The following CEP128 variants were observed in gnomAD, a reference collection of about 807,000 sequenced individuals.
CEP128 encodes centrosomal protein 128kDa.
CEP128 carries 132 observed loss-of-function variants against 156.7 expected under a neutral mutation model. The observed-to-expected ratio is 0.84, with a 90% CI of 0.73 to 0.97. CEP128 has a LOEUF of 0.97. Ranked by LOEUF, CEP128 falls within the 50% of genes least tolerant of loss-of-function variation. The probability of loss-of-function intolerance (pLI) is 0.00; values close to 1 mark genes in which losing one functional copy is unlikely to be tolerated. For synonymous variants in CEP128, 469 were observed against 448.9 expected, an observed-to-expected ratio of 1.04 and a Z score of -0.57; for missense variants, 1,252 against 1,281.9, an observed-to-expected ratio of 0.98 and a Z score of 0.36.
At chr14:80,779,724 C>T (rs1018649612) in intron 15 of CEP128, among the ~76,000 whole-genome samples, 9 of 152,124 alleles carry the variant, frequency 5.9e-5, no homozygotes, top group Non-Finnish European at 2.9e-5. Context: ...TTCCACCCAC[C>T]GGAAGCCTGT....
chr14:80,555,491 T>G (rs922779097), intron 21 of CEP128, among the ~76,000 whole-genome samples: 56 of 152,264 alleles, frequency 3.7e-4, no homozygotes, highest in African/African-American at 1.3e-3. Flanking sequence ...TATATATGTG[T>G]GGTTCTTTAA....
chr14:80,933,164 A>G (rs1210077821), intron 2 of CEP128, among the ~76,000 whole-genome samples: 1 of 152,082 alleles, frequency 6.6e-6, no homozygotes, highest in Non-Finnish European at 1.5e-5. Context: ...CATCCTGGAG[A>G]GGTGTTTCCT....
intron 16 of CEP128, among the ~76,000 whole-genome samples, chr14:80,764,505 CAAAAAAAAAAAGA>C (rs975969083): frequency 2.1e-4 from 18 of 87,624 alleles, no homozygotes; most frequent in East Asian, 6.6e-4. Context: ...GACTCCGTCT[CAAAAAAAAAAAGA>C]AAAAAAAAAA....
intron 10 of CEP128, among the ~76,000 whole-genome samples, 158 bp from the exon 11 acceptor site, chr14:80,838,436 T>C (rs2140074479): frequency 6.6e-6 from 1 of 152,272 alleles, no homozygotes; most frequent in African/African-American, 2.4e-5. Context: ...CATATATCAA[T>C]ACTTCCATTA....
chr14:80,496,365 T>A (rs1194626906), downstream of CEP128: 1 of 152,600 alleles, frequency 6.6e-6, no homozygotes, highest in South Asian at 2.1e-4. Context: ...GCCATTTTTT[T>A]CTTCAGTACC....
At chr14:80,945,080 A>G (rs1362455601), upstream of CEP128, among the ~76,000 whole-genome samples, 6 of 152,108 alleles carry the variant, frequency 3.9e-5, no homozygotes, top group East Asian at 1.2e-3. Context: ...GGTGACTTAA[A>G]CAACAAAAAT....
intron 19 of CEP128, among the ~76,000 whole-genome samples, chr14:80,616,504 G>C (rs1364779518): frequency 6.6e-6 from 1 of 151,694 alleles, no homozygotes; most frequent in Non-Finnish European, 1.5e-5. Context: ...TCTTGGTTAT[G>C]CTAAATTACC....
chr14:80,650,080 C>T (rs538515216), intron 19 of CEP128, among the ~76,000 whole-genome samples: 1 of 152,242 alleles, frequency 6.6e-6, no homozygotes, highest in Non-Finnish European at 1.5e-5. Context: ...TTGGTGTCCT[C>T]TCTTATTTCC....
chr14:80,671,841 T>C, intron 19 of CEP128, among the ~76,000 whole-genome samples: 1 of 150,636 alleles, frequency 6.6e-6, no homozygotes, highest in African/African-American at 2.5e-5. Context: ...TAGTAAACTG[T>C]TTTCTCCTTC....
intron 20 of CEP128, among the ~76,000 whole-genome samples, chr14:80,572,959 G>C (rs1437776472): frequency 6.6e-6 from 1 of 152,160 alleles, no homozygotes; most frequent in Non-Finnish European, 1.5e-5. Flanking sequence ...GTCTTGCTCT[G>C]TTGGCCAGGC....
chr14:80,677,326 A>G (rs1435901988), intron 19 of CEP128, among the ~76,000 whole-genome samples: 5 of 151,996 alleles, frequency 3.3e-5, no homozygotes, highest in Non-Finnish European at 7.4e-5. Flanking sequence ...CCTGGCCAAC[A>G]TGGTGAAATG....
At chr14:80,513,964 TAACG>T (rs1888375471) in intron 23 of CEP128, among the ~76,000 whole-genome samples, 1 of 152,078 alleles carries the variant, frequency 6.6e-6, no homozygotes, top group Admixed American at 6.5e-5. Flanking sequence ...TAGCACCTTT[TAACG>T]ATCTGAATAG....
intron 20 of CEP128, among the ~76,000 whole-genome samples, chr14:80,576,450 A>G (rs1891358974): frequency 6.6e-6 from 1 of 152,230 alleles, no homozygotes; most frequent in Non-Finnish European, 1.5e-5. Context: ...TTAAGCTCCA[A>G]TGAAGAATTT....
intron 21 of CEP128, among the ~76,000 whole-genome samples, chr14:80,540,855 T>C (rs1241572557): frequency 6.6e-6 from 1 of 152,004 alleles, no homozygotes; most frequent in Non-Finnish European, 1.5e-5. Flanking sequence ...ACAGGGAGAA[T>C]AGGCGGAATC....
chr14:80,678,049 A>AAAATATATATATATATAT lies in CEP128; in HGVS notation c.2806+65025_2806+65026insATATATATATATATATTT. Among the ~76,000 whole-genome samples the AAAATATATATATATATAT allele has an allele frequency of 3.3e-3, 323 of 98,466 alleles. 7 individuals carry two copies. Among genetic ancestry groups the AAAATATATATATATATAT allele is most frequent in the African/African-American group, 1.0e-2 (316 of 31,732 alleles). 64.6% of individuals were successfully genotyped at this position (98,466 alleles called of 152,430 possible). On this transcript the variant is annotated intron_variant, in intron 19 of 24. Coordinates refer to ENST00000555265, the MANE Select transcript of CEP128 (RefSeq NM_152446.5). The stretch of plus-strand genomic sequence containing the variant: ...ATGGACAGTTGCTCTATAAAAAAAA[A>AAAATATATATATATATAT]ATATATATATATATGTATATATATA...
chr14:80,525,311 T>G (rs1266718660), intron 23 of CEP128, among the ~76,000 whole-genome samples: 1 of 152,210 alleles, frequency 6.6e-6, no homozygotes, highest in Non-Finnish European at 1.5e-5. Context: ...CCAGGCAGAC[T>G]TAGGTTTTCA....
intron 4 of CEP128, among the ~76,000 whole-genome samples, chr14:80,906,751 A>G (rs931120649): frequency 6.6e-6 from 1 of 152,164 alleles, no homozygotes; most frequent in Non-Finnish European, 1.5e-5. Flanking sequence ...AAAACATGCT[A>G]AATACTGAGA....
At chr14:80,797,587 C>T (rs34248185) in intron 13 of CEP128, among the ~76,000 whole-genome samples, 305 of 152,056 alleles carry the variant, frequency 2.0e-3, no homozygotes, top group Non-Finnish European at 3.5e-3. Context: ...GCCATTGTTT[C>T]GGCATTTCTT....
chr14:80,893,643 A>C (rs1889209720), intron 8 of CEP128, among the ~76,000 whole-genome samples: 2 of 151,982 alleles, frequency 1.3e-5, no homozygotes, highest in South Asian at 2.1e-4. Context: ...TTTACAAAAC[A>C]AAAAAAGTAT....
Sources: gnomAD v4.1 joint callset for allele counts (sites outside exome capture counted in the v4.1 genomes callset) on GRCh38, gnomAD v4.1.1 for gene constraint, MANE v1.5 for transcripts, NCBI Gene and HGNC (gene_info 2026-07-23, HGNC 2026-07-21) for gene names.